The following ZDHHC23 variants were observed in gnomAD, a reference collection of about 807,000 sequenced individuals.
The protein encoded by ZDHHC23 is palmitoyltransferase ZDHHC23.
ZDHHC23 carries 41 observed loss-of-function variants against 40.2 expected under a neutral mutation model. The ratio of observed to expected loss-of-function variants is 1.02; its 90% CI spans 0.79 to 1.32. The LOEUF (loss-of-function observed/expected upper bound fraction) is 1.32, where lower values mean the gene tolerates loss of function less well. ZDHHC23 is among the 40% of genes most tolerant of loss of function. ZDHHC23 has a pLI of 0.00. For missense variants in ZDHHC23, 471 were observed against 541.5 expected, an observed-to-expected ratio of 0.87 and a Z score of 1.29; for synonymous variants, 204 against 210.2, an observed-to-expected ratio of 0.97 and a Z score of 0.26.
At chr3:113,979,296 C>T in the ZDHHC23 span, among the ~76,000 whole-genome samples, 1 of 152,284 alleles carries the variant, frequency 6.6e-6, no homozygotes, top group Non-Finnish European at 1.5e-5. Context: ...CTTCACTTCC[C>T]CTGAGTTTTG....
Position 113,957,756 on chromosome 3 carries a change from C to G in ZDHHC23, c.1041-607C>G, listed in dbSNP as rs529071755. On this transcript the variant is annotated intron_variant, in intron 4 of 4. Transcript: ENST00000638807. ...TGGCAGAGGCTAACTGGCAGCCTGTCTCATTAGTGAGCCTGAGAGGAGCTT... is the reference window on the plus strand; with the variant it reads ...TGGCAGAGGCTAACTGGCAGCCTGTGTCATTAGTGAGCCTGAGAGGAGCTT... The G allele has an allele frequency of 5.0e-4, 258 of 518,724 alleles. 3 individuals carry two copies. The highest frequency in any genetic ancestry group is 3.6e-3 in the South Asian group (258 of 71,532). 32.1% of individuals were successfully genotyped at this position (518,724 alleles called of 1,614,324 possible).
At chr3:113,955,245 G>A (rs1387700052) in intron 3 of ZDHHC23, among the ~76,000 whole-genome samples, 4 of 152,174 alleles carry the variant, frequency 2.6e-5, no homozygotes. Context: ...AGGCATTGGC[G>A]TGGGCCTCAA....
chr3:113,970,973 G>A, the ZDHHC23 span, among the ~76,000 whole-genome samples: 24 of 152,234 alleles, frequency 1.6e-4, no homozygotes, highest in East Asian at 4.4e-3. Flanking sequence ...ATCATTGTTG[G>A]ACATTTGGGT....
rs1939518513 is a variant in ZDHHC23, at chr3:113,959,311, A to G, written c.*681A>G. 3 of 1,098,710 alleles carry G rather than the reference A, an allele frequency of 2.7e-6. No individual in the cohort carries two copies. The South Asian group carries it at 7.1e-5, about 26-fold the overall frequency. The allele number at this position is 1,098,710 out of a possible 1,614,324, so 68.1% of individuals were successfully genotyped here. A position where few individuals can be genotyped will look rare whatever the true frequency, so the allele number is the denominator to read the frequency against. ...TTAGACATGAACTACTCAAACAGAGAAGATGACCAGATGGATTGATGCTAA... is the reference window on the plus strand; with the variant it reads ...TTAGACATGAACTACTCAAACAGAGGAGATGACCAGATGGATTGATGCTAA... On this transcript the variant is annotated 3_prime_UTR_variant, in exon 5 of 5. Coordinates refer to ENST00000638807, the MANE Select transcript of ZDHHC23 (RefSeq NM_001320466.2).
At chr3:113,978,947 T>C in the ZDHHC23 span, 31 of 1,613,962 alleles carry the variant, frequency 1.9e-5, no homozygotes, top group East Asian at 2.5e-4. Flanking sequence ...CTTTCCTGAC[T>C]ACGCTGGAAC....
At position 113,960,892 on chromosome 3, in the gene ZDHHC23, G is replaced by A. The variant is rs1010121855; in HGVS notation, c.*2262G>A. ...AGATGAGTGATCTTGTGTGGGAAAA[G>A]CCTTCCCAGGCGTCTGTACCGAAAG... On this transcript the variant is annotated 3_prime_UTR_variant, in exon 5 of 5. Coordinates refer to ENST00000638807, the MANE Select transcript of ZDHHC23 (RefSeq NM_001320466.2). The A allele has an allele frequency of 3.7e-5, 42 of 1,140,678 alleles. No homozygotes were observed. The African/African-American group carries it at 5.7e-4, about 16-fold the overall frequency. The allele number at this position is 1,140,678 out of a possible 1,614,324, so 70.7% of individuals were successfully genotyped here. A position where few individuals can be genotyped will look rare whatever the true frequency, so the allele number is the denominator to read the frequency against.
Position 113,960,121 on chromosome 3 carries a change from C to T in ZDHHC23, c.*1491C>T, listed in dbSNP as rs1480246329. Reference sequence around the variant, plus strand: ...AATATTGCCAGCGTTTTCAGTCATTCTGTGCATGCTGCTTTAAGCAAGAGA... The same window carrying T: ...AATATTGCCAGCGTTTTCAGTCATTTTGTGCATGCTGCTTTAAGCAAGAGA... On this transcript the variant is annotated 3_prime_UTR_variant, in exon 5 of 5. Coordinates refer to ENST00000638807, the MANE Select transcript of ZDHHC23 (RefSeq NM_001320466.2). The T allele has an allele frequency of 4.6e-5, 46 of 989,508 alleles. No homozygotes were observed. In the Middle Eastern group the frequency reaches 2.1e-3, roughly 44 times the overall value. The allele number at this position is 989,508 out of a possible 1,614,324, so 61.3% of individuals were successfully genotyped here. A position where few individuals can be genotyped will look rare whatever the true frequency, so the allele number is the denominator to read the frequency against.
At chr3:113,955,391 T>TGCGC (rs937830416) in intron 3 of ZDHHC23, among the ~76,000 whole-genome samples, 10 of 149,058 alleles carry the variant, frequency 6.7e-5, no homozygotes, top group African/African-American at 2.5e-4. Context: ...TGTGTGTGTG[T>TGCGC]GCGTGTGTGT....
chr3:113,978,081 C>G, the ZDHHC23 span: 2 of 1,320,652 alleles, frequency 1.5e-6, no homozygotes, highest in South Asian at 2.6e-5. Flanking sequence ...TTTCCCCGCT[C>G]TCCTAGCCTC....
downstream of ZDHHC23, among the ~76,000 whole-genome samples, chr3:113,968,150 A>G (rs77742387): frequency 2.6e-3 from 399 of 152,250 alleles, 3 homozygotes; most frequent in African/African-American, 9.2e-3. Flanking sequence ...AGATATACCT[A>G]TTAGTGGAAT....
At chr3:113,963,738 G>A (rs1939856758), downstream of ZDHHC23, among the ~76,000 whole-genome samples, 2 of 151,568 alleles carry the variant, frequency 1.3e-5, no homozygotes, top group African/African-American at 2.4e-5. Context: ...GTGAGACCCT[G>A]TCTCAAAACA....
chr3:113,968,339 T>A (rs927365061), downstream of ZDHHC23, among the ~76,000 whole-genome samples: 1 of 152,246 alleles, frequency 6.6e-6, no homozygotes, highest in Admixed American at 6.5e-5. Flanking sequence ...TGGCATAAGA[T>A]GATATCGCAT....
the ZDHHC23 span, among the ~76,000 whole-genome samples, chr3:113,970,511 G>A: frequency 6.6e-6 from 1 of 152,054 alleles, no homozygotes; most frequent in African/African-American, 2.4e-5. Context: ...AGGACTTGCA[G>A]TATTATATTG....
At chr3:113,964,178 T>C (rs1352359968), downstream of ZDHHC23, 1 of 152,200 alleles carries the variant, frequency 6.6e-6, no homozygotes, top group Non-Finnish European at 1.5e-5. Flanking sequence ...TCAACTCAAA[T>C]TTTCAGCACA....
intron 2 of ZDHHC23, among the ~76,000 whole-genome samples, chr3:113,949,342 A>C (rs1171312892): frequency 6.6e-6 from 1 of 152,186 alleles, no homozygotes. Flanking sequence ...GCATTTAGAG[A>C]CTGACTACTT....
chr3:113,953,817 C>T lies in ZDHHC23; in HGVS notation c.279C>T (p.Ile93=), dbSNP rs201447648. The change falls in exon 3 of 5, where the codon ATC becomes ATT. Residue 93 remains isoleucine (I), a synonymous_variant. Transcript: ENST00000638807. ...CCAAAAAAGTGAACATCAGCATCAT[C>T]CCTCCGCTTGTCCTGCTGCCTGTCT... ...RGAKKVNISI[I]PPLVLLPVFL... 2 of 1,614,204 alleles carry T rather than the reference C, an allele frequency of 1.2e-6. No individual in the cohort carries two copies. The highest frequency in any genetic ancestry group is 1.7e-6 in the Non-Finnish European group (2 of 1,180,050).
chr3:113,965,257 T>C (rs1011396828), downstream of ZDHHC23: 2 of 1,611,454 alleles, frequency 1.2e-6, no homozygotes, highest in Non-Finnish European at 1.7e-6. Context: ...GAATTTCAAC[T>C]ACCTTCCTAC....
rs574809355 is a variant in ZDHHC23, at chr3:113,956,613, C to CA, written c.1040+108dup. 4.4e-4 allele frequency: 525 copies of CA among 1,194,220 alleles called. 4 individuals carry two copies. In the Middle Eastern group the frequency reaches 6.1e-3, roughly 14 times the overall value. The allele number at this position is 1,194,220 out of a possible 1,614,324, so 74.0% of individuals were successfully genotyped here. ...AGGAGTTCTCAATCAAAACATAGGC[C>CA]AGGCTATGGAAATGCTGGGTATCCC... On this transcript the variant is annotated intron_variant, in intron 4 of 4. Coordinates refer to ENST00000638807, the MANE Select transcript of ZDHHC23 (RefSeq NM_001320466.2).
In ZDHHC23 at chr3:113,954,302, A is replaced by G; in HGVS notation, c.764A>G (p.Lys255Arg). Residue 255 changes from lysine to arginine, a missense_variant, in exon 3 of 5, where the codon AAA becomes AGA. Lys to Arg is a conservative substitution (Grantham distance 26). Around this residue, in one of 3 missense-constraint regions of ZDHHC23, gnomAD observed 346 missense variants for 399.8 expected, o/e 0.87. Transcript: ENST00000638807. The stretch of plus-strand genomic sequence containing the variant: ...AAGATGCCAGCTGGAAGCCCCACCA[A>G]AGCGAAGGAGGACTGGTGTGCCAAG... ...SSKMPAGSPT[K>R]AKEDWCAKCQ... is the part of the protein sequence containing the mutation. 1 of 1,614,082 alleles carries G rather than the reference A, an allele frequency of 6.2e-7. No homozygotes were observed. Among genetic ancestry groups the G allele is most frequent in the Non-Finnish European group, 8.5e-7 (1 of 1,179,944 alleles).
Sources: allele counts gnomAD v4.1 joint callset (sites outside exome capture counted in the v4.1 genomes callset), GRCh38; gene constraint gnomAD v4.1.1; regional missense constraint gnomAD v4.1.1; transcripts MANE v1.5; gene names NCBI Gene and HGNC (gene_info 2026-07-23, HGNC 2026-07-21).